FETUB: variants seen among roughly 807,000 people sequenced by gnomAD.
FETUB encodes the protein fetuin-B.
FETUB carries 28 observed loss-of-function variants against 30.9 expected under a neutral mutation model. The ratio of observed to expected loss-of-function variants is 0.90; its 90% CI spans 0.67 to 1.24. FETUB has a LOEUF of 1.24. Among genes scored for constraint, FETUB ranks in the 50% most tolerant of loss-of-function variants. The pLI, the probability that FETUB is intolerant of heterozygous loss-of-function variation, is 0.00. For synonymous variants in FETUB, 186 were observed against 175.9 expected, an observed-to-expected ratio of 1.06 and a Z score of -0.45; for missense variants, 469 against 455.3, an observed-to-expected ratio of 1.03 and a Z score of -0.27.
chr3:186,637,184 A>G (rs921445958), upstream of FETUB, among the ~76,000 whole-genome samples: 3 of 152,180 alleles, frequency 2.0e-5, no homozygotes, highest in African/African-American at 7.2e-5. Flanking sequence ...CACACTGAGA[A>G]ATATCAGTTT....
chr3:186,636,274 T>C (rs1045253531), upstream of FETUB: 5 of 152,230 alleles, frequency 3.3e-5, no homozygotes, highest in Admixed American at 2.6e-4. Context: ...CCCCTTCTTA[T>C]CTTTTAGAAT....
intron 1 of FETUB, among the ~76,000 whole-genome samples, 165 bp from the exon 2 acceptor site, chr3:186,640,865 T>C (rs542218579): frequency 1.3e-5 from 2 of 152,316 alleles, no homozygotes; most frequent in South Asian, 4.1e-4. Context: ...TAAAAACAAG[T>C]GTTAACAGTG....
At chr3:186,647,327 T>C (rs1285791960) in intron 5 of FETUB, among the ~76,000 whole-genome samples, 2 of 152,252 alleles carry the variant, frequency 1.3e-5, no homozygotes, top group Admixed American at 1.3e-4. Context: ...ATGTTTCCAT[T>C]TCTCTCGAGT....
At chr3:186,641,279 CT>C in intron 2 of FETUB, 139 bp downstream of exon 2, 1 of 631,162 alleles carries the variant, frequency 1.6e-6, no homozygotes, top group Non-Finnish European at 2.8e-6. Context: ...TGCCCATAAG[CT>C]TATTCTAATG....
intron 5 of FETUB, among the ~76,000 whole-genome samples, chr3:186,648,067 G>A (rs377626535): frequency 2.6e-5 from 4 of 151,690 alleles, no homozygotes; most frequent in African/African-American, 9.7e-5. Flanking sequence ...ACAGTGTCTT[G>A]GTGGTATAAG....
At chr3:186,641,219 C>A in intron 2 of FETUB, 79 bp downstream of exon 2, 1 of 825,932 alleles carries the variant, frequency 1.2e-6, no homozygotes, top group Non-Finnish European at 2.0e-6. Flanking sequence ...GTCAAGGGTG[C>A]TCAATATCTG....
rs368487935 is a variant in FETUB, at chr3:186,642,451, A to G, written c.337-20A>G. The G allele has an allele frequency of 6.4e-4, 919 of 1,426,128 alleles. 9 individuals are homozygous for G. In the South Asian group the frequency reaches 7.7e-3, roughly 12 times the overall value. 88.3% of individuals were successfully genotyped at this position (1,426,128 alleles called of 1,614,324 possible). A position where few individuals can be genotyped will look rare whatever the true frequency, so the allele number is the denominator to read the frequency against. On this transcript the variant is annotated intron_variant, in intron 2 of 6. Coordinates refer to ENST00000265029, the MANE Select transcript of FETUB (RefSeq NM_014375.3). ...CATAGTTGCATTCGCTATGTCATAA[A>G]ATGCATTTGTTGGTTTCAGGTTTAT...
intron 1 of FETUB, 138 bp downstream of exon 1, chr3:186,640,823 G>A: frequency 1.3e-6 from 1 of 755,856 alleles, no homozygotes; most frequent in South Asian, 1.6e-5. Context: ...GTTCTCCTCT[G>A]CCAGGGTCAG....
At chr3:186,640,279 A>G (rs1483265337), upstream of FETUB, 4 of 614,956 alleles carry the variant, frequency 6.5e-6, no homozygotes, top group Admixed American at 2.8e-5. Flanking sequence ...TAAGGTTAGA[A>G]TCATTGGGAA....
At chr3:186,650,990 T>A (rs972421682) in intron 5 of FETUB, among the ~76,000 whole-genome samples, 1 of 152,110 alleles carries the variant, frequency 6.6e-6, no homozygotes, top group Admixed American at 6.5e-5. Flanking sequence ...ACAAACAGAG[T>A]TTCATTCCTC....
chr3:186,640,365 A>T, upstream of FETUB: 3 of 943,228 alleles, frequency 3.2e-6, no homozygotes, highest in Non-Finnish European at 5.1e-6. Context: ...TTCCAGTTGT[A>T]ACAAAACCGC....
chr3:186,643,492 T>A (rs998848355), intron 3 of FETUB, among the ~76,000 whole-genome samples: 1 of 152,174 alleles, frequency 6.6e-6, no homozygotes, highest in Admixed American at 6.5e-5. Flanking sequence ...GGACCTGAGA[T>A]CCTGCATCTC....
At chr3:186,649,540 G>A (rs554442028) in intron 5 of FETUB, among the ~76,000 whole-genome samples, 163 of 152,098 alleles carry the variant, frequency 1.1e-3, no homozygotes, top group Admixed American at 2.0e-3. Context: ...CGCAATCTCA[G>A]CTTCCTGCAA....
chr3:186,651,341 A>G (rs201334753), intron 6 of FETUB, 40 bp downstream of exon 6: 26 of 1,357,258 alleles, frequency 1.9e-5, no homozygotes, highest in Admixed American at 5.2e-5. Context: ...TGTGAAGAAG[A>G]GCAGATTATC....
At chr3:186,650,546 A>C (rs62292570) in intron 5 of FETUB, among the ~76,000 whole-genome samples, 44,172 of 151,992 alleles carry the variant, frequency 0.29, 8,080 homozygotes, top group Non-Finnish European at 0.4. Flanking sequence ...ATTCAATGCC[A>C]TAAGAGGGTT....
intron 3 of FETUB, among the ~76,000 whole-genome samples, chr3:186,643,395 T>A (rs1717232259): frequency 6.6e-6 from 1 of 152,154 alleles, no homozygotes; most frequent in Non-Finnish European, 1.5e-5. Flanking sequence ...AAAACAGAAT[T>A]TGGTCCCCTG....
upstream of FETUB, among the ~76,000 whole-genome samples, chr3:186,637,117 T>C (rs1356684509): frequency 1.3e-5 from 2 of 152,174 alleles, no homozygotes; most frequent in African/African-American, 2.4e-5. Context: ...CAGGCCTCGG[T>C]TGGTCATGGG....
intron 5 of FETUB, among the ~76,000 whole-genome samples, chr3:186,649,509 G>A (rs771197686): frequency 1.3e-5 from 2 of 151,524 alleles, no homozygotes; most frequent in Non-Finnish European, 2.9e-5. Context: ...TTGCTCTGTC[G>A]CCCAGGCTGG....
At chr3:186,643,133 A>G (rs1717206028) in intron 3 of FETUB, among the ~76,000 whole-genome samples, 1 of 152,208 alleles carries the variant, frequency 6.6e-6, no homozygotes, top group East Asian at 1.9e-4. Context: ...CTACTCAGGG[A>G]ACACATAATG....
Sources: gnomAD v4.1 joint callset for allele counts (sites outside exome capture counted in the v4.1 genomes callset) on GRCh38, gnomAD v4.1.1 for gene constraint, MANE v1.5 for transcripts, NCBI Gene and HGNC (gene_info 2026-07-23, HGNC 2026-07-21) for gene names.